The following KIAA0753 variants were observed in gnomAD, a reference collection of about 807,000 sequenced individuals.
The protein encoded by KIAA0753 is protein moonraker.
Under a neutral mutation model 116.9 loss-of-function variants are expected in KIAA0753, and 114 were observed. The ratio of observed to expected loss-of-function variants is 0.98; its 90% CI spans 0.84 to 1.14. KIAA0753 has a LOEUF of 1.14. Ranked by LOEUF, KIAA0753 falls within the 50% of genes most tolerant of loss-of-function variation. The pLI, the probability that KIAA0753 is intolerant of heterozygous loss-of-function variation, is 0.00. For missense variants in KIAA0753, 1,156 were observed against 1,172.4 expected (o/e 0.99, Z 0.20); for synonymous variants, 405 against 413.1 (o/e 0.98, Z 0.24).
chr17:6,626,569 G>A (rs1971680475), intron 3 of KIAA0753, among the ~76,000 whole-genome samples: 1 of 152,070 alleles, frequency 6.6e-6, no homozygotes, highest in African/African-American at 2.4e-5. Flanking sequence ...TGATTCCCAT[G>A]CAGCGCCTGC....
intron 12 of KIAA0753, among the ~76,000 whole-genome samples, chr17:6,604,819 C>A (rs1307365198): frequency 6.6e-6 from 1 of 152,030 alleles, no homozygotes; most frequent in Non-Finnish European, 1.5e-5. Context: ...GATTACCTCA[C>A]AATAAGAAGT....
intron 7 of KIAA0753, among the ~76,000 whole-genome samples, chr17:6,613,008 A>G (rs1210665795): frequency 1.3e-5 from 2 of 152,238 alleles, no homozygotes; most frequent in African/African-American, 2.4e-5. Context: ...GGGAAAGGAA[A>G]TAAAGCTGTC....
At chr17:6,597,289 T>C (rs144719036) in intron 14 of KIAA0753, among the ~76,000 whole-genome samples, 1 of 152,258 alleles carries the variant, frequency 6.6e-6, no homozygotes, top group East Asian at 1.9e-4. Flanking sequence ...TGTCCAACTT[T>C]CATCAAAAGT....
intron 2 of KIAA0753, 90 bp from the exon 3 acceptor site, chr17:6,628,831 G>T: frequency 7.5e-7 from 1 of 1,333,158 alleles, no homozygotes; most frequent in Non-Finnish European, 1.0e-6. Context: ...CTAAAATTTT[G>T]CCACCAGATC....
chr17:6,587,014 C>T (rs1002608218), intron 18 of KIAA0753, among the ~76,000 whole-genome samples: 2 of 152,120 alleles, frequency 1.3e-5, no homozygotes, highest in African/African-American at 2.4e-5. Flanking sequence ...GCGGGTGGAT[C>T]ACCTGAGGTT....
rs769752845 is a variant in KIAA0753, at chr17:6,594,928, C to A, written c.2440+44G>T. ...TTCAATTTTCTGTATGTTTGAAATT[C>A]TTCAGAATAAAATGTTAGGGGAAAA... On this transcript the variant is annotated intron_variant, in intron 16 of 18. Coordinates refer to ENST00000361413, the MANE Select transcript of KIAA0753 (RefSeq NM_014804.3). 4.1e-6 allele frequency: 6 copies of A among 1,457,738 alleles called. No individual in the cohort carries two copies. The South Asian group carries it at 7.1e-5, about 17-fold the overall frequency. 90.3% of individuals were successfully genotyped at this position (1,457,738 alleles called of 1,614,324 possible). A position where few individuals can be genotyped will look rare whatever the true frequency, so the allele number is the denominator to read the frequency against.
At chr17:6,598,096 G>A (rs1246012742) in intron 14 of KIAA0753, among the ~76,000 whole-genome samples, 1 of 152,132 alleles carries the variant, frequency 6.6e-6, no homozygotes, top group East Asian at 1.9e-4. Flanking sequence ...ATACAAGGCT[G>A]ATCATTCCTA....
chr17:6,588,839 T>C (rs1169766777), intron 18 of KIAA0753, among the ~76,000 whole-genome samples: 1 of 152,190 alleles, frequency 6.6e-6, no homozygotes, highest in African/African-American at 2.4e-5. Context: ...CAAAATTTAG[T>C]AGCTACAGGA....
At chr17:6,634,780 T>C in intron 2 of KIAA0753, 1 of 457,214 alleles carries the variant, frequency 2.2e-6, no homozygotes, top group Non-Finnish European at 4.0e-6. Flanking sequence ...AGAGTTCATT[T>C]TTAGGAGAAG....
rs773787862 is a variant in KIAA0753, at chr17:6,628,440, C to T, written c.395G>A (p.Cys132Tyr). The T allele has an allele frequency of 6.2e-7, 1 of 1,614,208 alleles. No individual in the cohort carries two copies. Among genetic ancestry groups the T allele is most frequent in the Admixed American group, 1.7e-5 (1 of 60,024 alleles). ...LRSQPQSSQK[C>Y]GHTKYKIPDH... ...GGGTATTTTATACTTAGTATGTCCA[C>T]ACTTCTGAGAGCTTTGAGGCTGACT... Residue 132 changes from cysteine to tyrosine, a missense_variant, in exon 3 of 19, where the codon TGT (cysteine) becomes TAT (tyrosine). Transcript: ENST00000361413.
chr17:6,593,891 T>C (rs1567544125), intron 16 of KIAA0753, among the ~76,000 whole-genome samples: 1 of 151,736 alleles, frequency 6.6e-6, no homozygotes, highest in African/African-American at 2.4e-5. Flanking sequence ...ACTCAAAAAA[T>C]AAAAAAAATC....
chr17:6,625,956 C>A (rs1971640997), intron 3 of KIAA0753, among the ~76,000 whole-genome samples: 2 of 152,156 alleles, frequency 1.3e-5, no homozygotes, highest in African/African-American at 4.8e-5. Flanking sequence ...CCTGCCTCAG[C>A]CTCCAAAAGT....
intron 18 of KIAA0753, among the ~76,000 whole-genome samples, chr17:6,583,059 TTTTC>T (rs1968297949): frequency 6.6e-6 from 1 of 152,204 alleles, no homozygotes; most frequent in South Asian, 2.1e-4. Context: ...TCTGTGACTG[TTTTC>T]TTTCTTCCCC....
chr17:6,580,753 T>G (rs186059171), intron 18 of KIAA0753, among the ~76,000 whole-genome samples: 1 of 152,120 alleles, frequency 6.6e-6, no homozygotes, highest in Non-Finnish European at 1.5e-5. Flanking sequence ...CTCAATGTGT[T>G]TGAAACCAGA....
At chr17:6,598,118 C>T (rs76876533) in intron 14 of KIAA0753, among the ~76,000 whole-genome samples, 3,138 of 152,288 alleles carry the variant, frequency 0.021, 105 homozygotes, top group African/African-American at 0.07. Flanking sequence ...TATACTCAAA[C>T]ATGTCTATTT....
chr17:6,581,084 C>T (rs766982935), intron 18 of KIAA0753, among the ~76,000 whole-genome samples: 8 of 152,152 alleles, frequency 5.3e-5, no homozygotes, highest in Non-Finnish European at 1.0e-4. Flanking sequence ...TATCTACAGG[C>T]CTTATTCAAA....
At position 6,625,803 on chromosome 17, in the gene KIAA0753, G is replaced by C. The variant is rs113074207; in HGVS notation, c.719-942C>G. On this transcript the variant is annotated intron_variant, in intron 3 of 18. Coordinates refer to ENST00000361413, the MANE Select transcript of KIAA0753 (RefSeq NM_014804.3). ...CAGCAACCTCCACCTCCCGGGTCAA[G>C]TGATTCTCCTGCCTCAGCCTCCTGA... is the stretch of plus-strand genomic sequence containing the variant. Among the ~76,000 whole-genome samples the C allele has an allele frequency of 6.3e-3, 965 of 152,252 alleles. 13 individuals carry two copies. The highest frequency in any genetic ancestry group is 0.022 in the African/African-American group (923 of 41,542).
At chr17:6,599,000 G>A (rs892654373) in intron 14 of KIAA0753, among the ~76,000 whole-genome samples, 2 of 152,240 alleles carry the variant, frequency 1.3e-5, no homozygotes, top group African/African-American at 4.8e-5. Flanking sequence ...AGGAAGGATA[G>A]AGCCACTAAC....
At chr17:6,589,578 T>C (rs1305862488) in intron 18 of KIAA0753, among the ~76,000 whole-genome samples, 1 of 152,204 alleles carries the variant, frequency 6.6e-6, no homozygotes, top group East Asian at 1.9e-4. Flanking sequence ...AGCACCCCTG[T>C]GGATGGCACC....
Sources: allele counts gnomAD v4.1 joint callset (sites outside exome capture counted in the v4.1 genomes callset), GRCh38; gene constraint gnomAD v4.1.1; transcripts MANE v1.5; gene names NCBI Gene and HGNC (gene_info 2026-07-23, HGNC 2026-07-21).